The following TMPRSS4 variants were observed in gnomAD, a reference collection of about 807,000 sequenced individuals.
TMPRSS4 encodes the protein transmembrane serine protease 4.
In TMPRSS4, 45 loss-of-function variants were observed where a neutral mutation model predicts 56.4. That is an observed-to-expected ratio of 0.80 (90% CI 0.63 to 1.02). The LOEUF is 1.02. TMPRSS4 is among the 50% of genes least tolerant of loss of function. TMPRSS4 has a pLI of 0.00. For missense variants in TMPRSS4, 546 were observed against 556.7 expected (o/e 0.98, Z 0.19); for synonymous variants, 205 against 211.0 (o/e 0.97, Z 0.25).
chr11:118,093,569 A>C (rs1197273820), intron 1 of TMPRSS4, among the ~76,000 whole-genome samples: 2 of 152,216 alleles, frequency 1.3e-5, no homozygotes, highest in Non-Finnish European at 2.9e-5. Flanking sequence ...CTGAGTGCAC[A>C]CATGAAGTGG....
At chr11:118,117,208 T>C in intron 11 of TMPRSS4, 97 bp from the exon 12 acceptor site, 1 of 1,204,336 alleles carries the variant, frequency 8.3e-7, no homozygotes, top group Non-Finnish European at 1.2e-6. Flanking sequence ...CAGCAGGGAG[T>C]GCAGGGGAAC....
intron 2 of TMPRSS4, among the ~76,000 whole-genome samples, chr11:118,096,913 G>A (rs774824913): frequency 9.9e-4 from 29 of 29,350 alleles, no homozygotes; most frequent in South Asian, 1.6e-3. Flanking sequence ...GAAAGAAAGG[G>A]AGAGAGAAAG....
intron 2 of TMPRSS4, among the ~76,000 whole-genome samples, chr11:118,096,238 T>C (rs1208577371): frequency 6.6e-6 from 1 of 152,232 alleles, no homozygotes; most frequent in African/African-American, 2.4e-5. Context: ...TGCCAGGTCA[T>C]AGTTCACAGG....
chr11:118,085,569 A>G (rs1310082816), intron 1 of TMPRSS4, among the ~76,000 whole-genome samples: 1 of 152,136 alleles, frequency 6.6e-6, no homozygotes, highest in Non-Finnish European at 1.5e-5. Flanking sequence ...AGATGGTATA[A>G]ACTCTGTCTT....
downstream of TMPRSS4, chr11:118,125,218 G>A (rs1947865197): frequency 6.6e-6 from 3 of 454,418 alleles, no homozygotes; most frequent in South Asian, 1.6e-5. Flanking sequence ...ATGATTGTCT[G>A]TGGGGTAAAT....
At chr11:118,103,628 C>T (rs976912202) in intron 4 of TMPRSS4, among the ~76,000 whole-genome samples, 2 of 152,174 alleles carry the variant, frequency 1.3e-5, no homozygotes, top group Non-Finnish European at 2.9e-5. Context: ...GTGATCTGCC[C>T]GCCTCAGCCT....
At chr11:118,099,496 A>AGAAAGAAG (rs1353281345) in intron 3 of TMPRSS4, among the ~76,000 whole-genome samples, 1 of 152,156 alleles carries the variant, frequency 6.6e-6, no homozygotes, top group African/African-American at 2.4e-5. Context: ...AAAGAAAGAA[A>AGAAAGAAG]GAAAGACATG....
chr11:118,082,174 T>C (rs1389307951), intron 1 of TMPRSS4, among the ~76,000 whole-genome samples: 2 of 152,154 alleles, frequency 1.3e-5, no homozygotes, highest in African/African-American at 2.4e-5. Flanking sequence ...AAGGGCCCCA[T>C]GTTGTGCTTT....
rs1157843834 is a variant in TMPRSS4, at chr11:118,085,214, G to GATC, written c.3+7910_3+7912dup. Among the ~76,000 whole-genome samples the GATC allele has an allele frequency of 5.8e-3, 751 of 128,980 alleles. 8 individuals are homozygous for GATC. Among genetic ancestry groups the GATC allele is most frequent in the African/African-American group, 0.018 (697 of 37,726 alleles). The allele number at this position is 128,980 out of a possible 152,430, so 84.6% of individuals were successfully genotyped here. A position where few individuals can be genotyped will look rare whatever the true frequency, so the allele number is the denominator to read the frequency against. ...AGTTGTTCTACAGATGGAGGAGTCA[G>GATC]ATCTTCTTCTTCTTTTTTTTTTTTT... is the stretch of plus-strand genomic sequence containing the variant. On this transcript the variant is annotated intron_variant, in intron 1 of 12. Transcript: ENST00000437212.
chr11:118,093,822 C>CCA, intron 1 of TMPRSS4, among the ~76,000 whole-genome samples: 1 of 151,088 alleles, frequency 6.6e-6, no homozygotes, highest in East Asian at 1.9e-4. Flanking sequence ...CTAACTGCCC[C>CCA]CCCCAATGGT....
rs1947783978 is a variant in TMPRSS4 at position 118,121,301 on chromosome 11, T to C, written c.*3388T>C. 1 of 152,094 alleles carries C rather than the reference T, an allele frequency of 6.6e-6. No individual in the cohort carries two copies. Among genetic ancestry groups the C allele is most frequent in the Non-Finnish European group, 1.5e-5 (1 of 68,018 alleles). The allele number at this position is 152,094 out of a possible 1,614,324, so 9.4% of individuals were successfully genotyped here. A position where few individuals can be genotyped will look rare whatever the true frequency, so the allele number is the denominator to read the frequency against. ...GAAGCAAGTAGCAATAGTGAGGCAA[T>C]TGTGAAAATGTAGGTAAGTCTAAAC... On this transcript the variant is annotated 3_prime_UTR_variant, in exon 13 of 13. Transcript: ENST00000437212.
chr11:118,100,148 C>T (rs12270968), intron 3 of TMPRSS4, among the ~76,000 whole-genome samples: 7,523 of 152,208 alleles, frequency 0.049, 633 homozygotes, highest in African/African-American at 0.17. Context: ...TACCCTCAGT[C>T]TCCGCACCTG....
At chr11:118,108,014 T>A in intron 6 of TMPRSS4, 139 bp downstream of exon 6, 1 of 652,318 alleles carries the variant, frequency 1.5e-6, no homozygotes, top group East Asian at 2.8e-5. Context: ...GCCAGATGGA[T>A]CATTCAATGC....
intron 2 of TMPRSS4, among the ~76,000 whole-genome samples, chr11:118,098,025 C>T (rs891955791): frequency 2.0e-5 from 3 of 152,236 alleles, no homozygotes; most frequent in African/African-American, 7.2e-5. Context: ...CCACCTCGGC[C>T]TCCCAAAGTG....
intron 8 of TMPRSS4, 48 bp downstream of exon 8, chr11:118,111,948 G>A (rs1174737463): frequency 5.7e-6 from 9 of 1,578,000 alleles, no homozygotes; most frequent in Non-Finnish European, 7.7e-6. Context: ...GGCCAGTCAG[G>A]GACCAGAGAG....
intron 2 of TMPRSS4, among the ~76,000 whole-genome samples, chr11:118,098,270 C>CCT (rs1165917619): frequency 2.6e-5 from 4 of 152,238 alleles, no homozygotes; most frequent in Admixed American, 2.0e-4. Flanking sequence ...CTACAGGCAC[C>CCT]CTCCGTGCCT....
At chr11:118,117,819 AG>A in intron 12 of TMPRSS4, 82 bp from the exon 13 acceptor site, 3 of 1,613,352 alleles carry the variant, frequency 1.9e-6, no homozygotes, top group Non-Finnish European at 2.5e-6. Context: ...GTTTCAGAAA[AG>A]GAAGACTCAC....
intron 1 of TMPRSS4, among the ~76,000 whole-genome samples, chr11:118,093,943 G>A (rs1946139013): frequency 6.6e-6 from 1 of 152,006 alleles, no homozygotes; most frequent in Non-Finnish European, 1.5e-5. Flanking sequence ...TATGTCCATG[G>A]AATTCATCCA....
At chr11:118,092,245 G>A (rs1422972307) in intron 1 of TMPRSS4, among the ~76,000 whole-genome samples, 1 of 152,142 alleles carries the variant, frequency 6.6e-6, no homozygotes, top group Non-Finnish European at 1.5e-5. Context: ...TCAAGACAGG[G>A]GAATTGAAAT....
Sources: allele counts gnomAD v4.1 joint callset (sites outside exome capture counted in the v4.1 genomes callset), GRCh38; gene constraint gnomAD v4.1.1; transcripts MANE v1.5; gene names NCBI Gene and HGNC (gene_info 2026-07-23, HGNC 2026-07-21).